The following RAB27B variants were observed in gnomAD, a reference collection of about 807,000 sequenced individuals.
RAB27B encodes the protein ras-related protein Rab-27B.
Under a neutral mutation model 24.6 loss-of-function variants are expected in RAB27B, and 15 were observed. The observed-to-expected ratio is 0.61, with a 90% CI of 0.41 to 0.94. The LOEUF (loss-of-function observed/expected upper bound fraction) is 0.94. Among genes scored for constraint, RAB27B ranks in the 40% least tolerant of loss-of-function variants. The pLI is 0.00. For synonymous variants in RAB27B, 105 were observed against 92.5 expected, an observed-to-expected ratio of 1.14 and a Z score of -0.78; for missense variants, 261 against 266.8, an observed-to-expected ratio of 0.98 and a Z score of 0.15.
intron 2 of RAB27B, among the ~76,000 whole-genome samples, chr18:54,756,181 C>G (rs985010758): frequency 1.2e-4 from 19 of 152,150 alleles, no homozygotes; most frequent in African/African-American, 4.1e-4. Context: ...ACATGACCTC[C>G]ATTGTACAAA....
At chr18:54,875,963 A>C (rs560673330) in intron 1 of RAB27B, among the ~76,000 whole-genome samples, 1 of 152,208 alleles carries the variant, frequency 6.6e-6, no homozygotes, top group Admixed American at 6.5e-5. Flanking sequence ...TATGTCCTCT[A>C]TTAGTCCATT....
chr18:54,721,071 T>C (rs1414810664), intron 2 of RAB27B, among the ~76,000 whole-genome samples: 2 of 152,142 alleles, frequency 1.3e-5, no homozygotes, highest in African/African-American at 2.4e-5. Context: ...TTATCCATCA[T>C]ATAGTTTGGG....
chr18:54,784,210 T>C (rs1274951380), intron 2 of RAB27B, among the ~76,000 whole-genome samples: 1 of 152,218 alleles, frequency 6.6e-6, no homozygotes, highest in African/African-American at 2.4e-5. Context: ...CAGTTGTAGA[T>C]TGAACCAAGG....
intron 1 of RAB27B, among the ~76,000 whole-genome samples, chr18:54,865,871 C>T (rs563167022): frequency 5.9e-5 from 9 of 152,240 alleles, no homozygotes; most frequent in Non-Finnish European, 1.3e-4. Context: ...AGCAGGATGC[C>T]TTCATATGGT....
intron 3 of RAB27B, among the ~76,000 whole-genome samples, chr18:54,883,606 G>T (rs762154767): frequency 3.9e-5 from 6 of 152,004 alleles, no homozygotes; most frequent in Non-Finnish European, 7.4e-5. Flanking sequence ...GTGAGGGCAT[G>T]GAAAGCTGAC....
At chr18:54,769,688 T>C (rs1446506667) in intron 2 of RAB27B, among the ~76,000 whole-genome samples, 4 of 152,234 alleles carry the variant, frequency 2.6e-5, no homozygotes, top group African/African-American at 4.8e-5. Context: ...TAAGGTTTTA[T>C]ATACATGATT....
intron 2 of RAB27B, among the ~76,000 whole-genome samples, chr18:54,732,201 G>A (rs1033160586): frequency 1.3e-5 from 2 of 152,146 alleles, no homozygotes; most frequent in Non-Finnish European, 2.9e-5. Context: ...ATTGCTCCTG[G>A]CAAAGTTATT....
At position 54,890,232 on chromosome 18, in the gene RAB27B, A is replaced by C. The variant is rs961888729; in HGVS notation, c.*819A>C. On this transcript the variant is annotated 3_prime_UTR_variant, in exon 6 of 6. Coordinates refer to ENST00000262094, the MANE Select transcript of RAB27B (RefSeq NM_004163.4). ...AAGCCAATTAGGAGCTGATATTATC[A>C]GTTGGAATTAAGAGAACTCCAGAGG... 2.0e-5 allele frequency: 3 copies of C among 152,170 alleles called. No homozygotes were observed. The highest frequency in any genetic ancestry group is 4.4e-5 in the Non-Finnish European group (3 of 68,014). The allele number at this position is 152,170 out of a possible 1,614,324, so 9.4% of individuals were successfully genotyped here.
chr18:54,797,280 C>T lies in RAB27B; in HGVS notation c.-20+79139C>T, dbSNP rs146140463. 3.4e-3 allele frequency among the ~76,000 whole-genome samples: 524 copies of T among 152,326 alleles called. 2 individuals carry two copies. Among genetic ancestry groups the T allele is most frequent in the Non-Finnish European group, 5.3e-3 (359 of 68,032 alleles). Reference sequence around the variant, plus strand: ...GTAGCTTATAGGCACTCTTCTAGCACTTTGTGAGGCCGAGGTGGGTGGCTC... The same window carrying T: ...GTAGCTTATAGGCACTCTTCTAGCATTTTGTGAGGCCGAGGTGGGTGGCTC... On this transcript the variant is annotated intron_variant, in intron 2 of 4. Coordinates refer to the RAB27B transcript ENST00000586570.
At chr18:54,797,856 T>C (rs1287902331) in intron 2 of RAB27B, among the ~76,000 whole-genome samples, 1 of 152,174 alleles carries the variant, frequency 6.6e-6, no homozygotes, top group Non-Finnish European at 1.5e-5. Context: ...CTTATTTTCT[T>C]CCCTTCTTCA....
In RAB27B at chr18:54,888,177, C is replaced by A. The variant is rs867453332; in HGVS notation, c.467+59C>A. 8 of 1,566,186 alleles carry A rather than the reference C, an allele frequency of 5.1e-6. No homozygotes were observed. The Middle Eastern group carries it at 8.5e-4, about 167-fold the overall frequency. ...GCACACTGCTGTTCAGCAAATGGAG[C>A]AGAGACATTAGATTGATATTAGAAG... is the stretch of plus-strand genomic sequence containing the variant. On this transcript the variant is annotated intron_variant, in intron 5 of 5. Coordinates refer to ENST00000262094, the MANE Select transcript of RAB27B (RefSeq NM_004163.4).
At chr18:54,862,739 C>G (rs1457733477) in intron 1 of RAB27B, among the ~76,000 whole-genome samples, 1 of 152,194 alleles carries the variant, frequency 6.6e-6, no homozygotes, top group Non-Finnish European at 1.5e-5. Context: ...TATATACACA[C>G]TCCAGTTCTG....
intron 2 of RAB27B, among the ~76,000 whole-genome samples, chr18:54,792,774 T>C (rs1442835591): frequency 6.6e-6 from 1 of 152,218 alleles, no homozygotes; most frequent in Non-Finnish European, 1.5e-5. Context: ...AGAAAATGTG[T>C]TTTACAAATT....
Position 54,780,272 on chromosome 18 carries a change from G to A in RAB27B, c.-20+62131G>A, listed in dbSNP as rs1465894164. Reference sequence around the variant, plus strand: ...ATGTCTCCGCTGTCCTGATGGCTTCGCCCTCACCGTGTCTTCCGCATCCTG... The same window carrying A: ...ATGTCTCCGCTGTCCTGATGGCTTCACCCTCACCGTGTCTTCCGCATCCTG... On this transcript the variant is annotated intron_variant, in intron 2 of 4. Coordinates refer to the RAB27B transcript ENST00000586570. Among the ~76,000 whole-genome samples, 7 of 107,404 alleles carry A rather than the reference G, an allele frequency of 6.5e-5. No individual in the cohort carries two copies. In the East Asian group the frequency reaches 1.1e-3, roughly 17 times the overall value. 70.5% of individuals were successfully genotyped at this position (107,404 alleles called of 152,430 possible).
chr18:54,720,946 A>C (rs1909341221), intron 2 of RAB27B, among the ~76,000 whole-genome samples: 1 of 152,114 alleles, frequency 6.6e-6, no homozygotes, highest in East Asian at 1.9e-4. Flanking sequence ...AAAAGACTTA[A>C]AGGAAAGAAA....
chr18:54,854,594 A>G (rs1171994444), intron 1 of RAB27B, among the ~76,000 whole-genome samples: 1 of 152,132 alleles, frequency 6.6e-6, no homozygotes, highest in Admixed American at 6.6e-5. Flanking sequence ...TTCCTAACCC[A>G]CCATTTAGAT....
At chr18:54,864,337 T>C (rs1441488447) in intron 1 of RAB27B, among the ~76,000 whole-genome samples, 1 of 152,216 alleles carries the variant, frequency 6.6e-6, no homozygotes, top group Non-Finnish European at 1.5e-5. Flanking sequence ...TGCTCATTTT[T>C]AAAGTTTGGT....
chr18:54,720,517 G>A (rs1277706394), intron 2 of RAB27B, among the ~76,000 whole-genome samples: 2 of 152,014 alleles, frequency 1.3e-5, no homozygotes, highest in African/African-American at 4.8e-5. Flanking sequence ...ATTTCTAAAA[G>A]ACAGATTTTA....
intron 2 of RAB27B, among the ~76,000 whole-genome samples, chr18:54,770,571 G>T (rs1018896938): frequency 6.6e-6 from 1 of 151,818 alleles, no homozygotes; most frequent in Non-Finnish European, 1.5e-5. Flanking sequence ...AATAATAATC[G>T]AAACAAAGTG....
Sources: allele counts gnomAD v4.1 joint callset (sites outside exome capture counted in the v4.1 genomes callset), GRCh38; gene constraint gnomAD v4.1.1; transcripts MANE v1.5; gene names NCBI Gene and HGNC (gene_info 2026-07-23, HGNC 2026-07-21).